Variants in NELL1 observed in about 807,000 individuals in gnomAD.
The protein encoded by NELL1 is protein kinase C-binding protein NELL1.
NELL1 carries 76 observed loss-of-function variants against 107.4 expected under a neutral mutation model. The observed-to-expected ratio is 0.71, with a 90% CI of 0.59 to 0.86. The LOEUF is 0.86. Ranked by LOEUF, NELL1 falls within the 40% of genes least tolerant of loss-of-function variation. NELL1 has a pLI of 0.00. For synonymous variants in NELL1, 353 were observed against 341.2 expected (o/e 1.03, Z -0.38); for missense variants, 1,024 against 1,005.5 (o/e 1.02, Z -0.25).
At chr11:20,783,469 TG>T (rs370005742) in intron 2 of NELL1, among the ~76,000 whole-genome samples, 71 of 151,962 alleles carry the variant, frequency 4.7e-4, no homozygotes, top group African/African-American at 1.7e-3. Flanking sequence ...CTGTAGGGAG[TG>T]GGGAATGGTG....
Position 21,184,615 on chromosome 11 carries a change from C to T in NELL1, c.1427-44717C>T, listed in dbSNP as rs1460550235. Among the ~76,000 whole-genome samples the T allele has an allele frequency of 2.0e-5, 3 of 151,832 alleles. No individual in the cohort carries two copies. In the South Asian group the frequency reaches 6.2e-4, roughly 31 times the overall value. ...CAAATGTGTCAGTCGAAAACAGACT[C>T]ATTTTTCAAGATGTAAGTCAATGTC... is the stretch of plus-strand genomic sequence containing the variant. On this transcript the variant is annotated intron_variant, in intron 13 of 19. Transcript: ENST00000357134.
rs113450805 is a variant in NELL1, at chr11:21,303,596, G to A, written c.1550-67257G>A. Among the ~76,000 whole-genome samples, 6 of 152,126 alleles carry A rather than the reference G, an allele frequency of 3.9e-5. No homozygotes were observed. The East Asian group carries it at 7.8e-4, about 20-fold the overall frequency. ...TAGTACAACCTCTATAGAAAACAGC[G>A]TGGAGATTTCTCAAAGATCTAAAAC... On this transcript the variant is annotated intron_variant, in intron 14 of 19. Coordinates refer to ENST00000357134, the MANE Select transcript of NELL1 (RefSeq NM_006157.5).
chr11:21,186,562 C>G (rs1045036670), intron 13 of NELL1, among the ~76,000 whole-genome samples: 1 of 151,836 alleles, frequency 6.6e-6, no homozygotes, highest in African/African-American at 2.4e-5. Context: ...GCTTGTTAAG[C>G]CTTTATTGAG....
At chr11:20,760,804 T>G (rs1417577464) in intron 2 of NELL1, among the ~76,000 whole-genome samples, 1 of 152,228 alleles carries the variant, frequency 6.6e-6, no homozygotes, top group African/African-American at 2.4e-5. Flanking sequence ...CCACTAAATC[T>G]GAAGTATGGT....
chr11:21,046,323 A>G (rs1853352713), intron 12 of NELL1, among the ~76,000 whole-genome samples: 1 of 152,170 alleles, frequency 6.6e-6, no homozygotes, highest in Non-Finnish European at 1.5e-5. Context: ...CACTTATCAT[A>G]TATGTTCTTA....
intron 2 of NELL1, among the ~76,000 whole-genome samples, chr11:20,759,970 T>C (rs1341779852): frequency 6.6e-6 from 1 of 152,180 alleles, no homozygotes; most frequent in Admixed American, 6.5e-5. Flanking sequence ...CCTCTAAACA[T>C]AGTGGCTCCA....
At chr11:20,811,268 T>A (rs1322800378) in intron 3 of NELL1, among the ~76,000 whole-genome samples, 1 of 152,188 alleles carries the variant, frequency 6.6e-6, no homozygotes, top group Admixed American at 6.5e-5. Context: ...TTGTGTTTAC[T>A]CAACACCTTT....
intron 12 of NELL1, among the ~76,000 whole-genome samples, chr11:20,986,451 C>G (rs1012547699): frequency 9.9e-5 from 15 of 152,118 alleles, no homozygotes; most frequent in Non-Finnish European, 2.1e-4. Flanking sequence ...CCTTGTGCAC[C>G]CTTGGCAACT....
chr11:21,485,380 T>C (rs1380958634), intron 15 of NELL1, among the ~76,000 whole-genome samples: 1 of 151,934 alleles, frequency 6.6e-6, no homozygotes, highest in Non-Finnish European at 1.5e-5. Flanking sequence ...CTGCCTATTC[T>C]CCTCCCACTG....
chr11:21,145,896 T>A (rs919886400), intron 13 of NELL1, among the ~76,000 whole-genome samples: 5 of 152,220 alleles, frequency 3.3e-5, no homozygotes, highest in African/African-American at 1.2e-4. Context: ...GTTTCTTCTC[T>A]ACTTCTTTTA....
intron 3 of NELL1, among the ~76,000 whole-genome samples, chr11:20,814,660 C>T (rs1383726723): frequency 2.0e-5 from 3 of 152,138 alleles, no homozygotes; most frequent in South Asian, 2.1e-4. Flanking sequence ...CGTAGTATTC[C>T]GTGGCGTTTA....
chr11:21,092,523 A>G (rs1433257794), intron 12 of NELL1, among the ~76,000 whole-genome samples: 1 of 152,168 alleles, frequency 6.6e-6, no homozygotes, highest in Non-Finnish European at 1.5e-5. Context: ...GAAACTGTGT[A>G]TTTCCTAAAA....
At chr11:20,713,993 CG>C (rs1258957093) in intron 2 of NELL1, among the ~76,000 whole-genome samples, 1 of 152,060 alleles carries the variant, frequency 6.6e-6, no homozygotes, top group Non-Finnish European at 1.5e-5. Context: ...TCTCACCCTT[CG>C]GGAACTCAGT....
At chr11:21,404,009 C>CCCG (rs1554905729) in intron 15 of NELL1, among the ~76,000 whole-genome samples, 1 of 107,480 alleles carries the variant, frequency 9.3e-6, no homozygotes, top group Non-Finnish European at 2.0e-5. Context: ...TCCTGAACCC[C>CCCG]CCCCCCCGCA....
At chr11:21,379,495 A>G (rs1851560970) in intron 15 of NELL1, among the ~76,000 whole-genome samples, 2 of 152,102 alleles carry the variant, frequency 1.3e-5, no homozygotes, top group South Asian at 4.2e-4. Flanking sequence ...AAAGCAAACA[A>G]CTTTGAACAG....
At chr11:20,697,224 A>G (rs1448388738) in intron 2 of NELL1, among the ~76,000 whole-genome samples, 1 of 152,076 alleles carries the variant, frequency 6.6e-6, no homozygotes, top group African/African-American at 2.4e-5. Flanking sequence ...TCATTTTGGA[A>G]CACCTCTGCT....
chr11:21,307,486 C>G (rs1432554980), intron 14 of NELL1, among the ~76,000 whole-genome samples: 1 of 151,974 alleles, frequency 6.6e-6, no homozygotes, highest in Non-Finnish European at 1.5e-5. Context: ...TACACTCACA[C>G]ACAGGAAAAT....
intron 12 of NELL1, among the ~76,000 whole-genome samples, chr11:21,082,408 T>A (rs1854289844): frequency 6.6e-6 from 1 of 152,182 alleles, no homozygotes; most frequent in Admixed American, 6.5e-5. Context: ...TAGTCTCTTA[T>A]CAGTTAATCA....
intron 2 of NELL1, among the ~76,000 whole-genome samples, chr11:20,732,958 A>C (rs1431049919): frequency 6.6e-6 from 1 of 152,144 alleles, no homozygotes; most frequent in Non-Finnish European, 1.5e-5. Context: ...CAGAACTTAC[A>C]TTCTAGTGGA....
Sources: allele counts gnomAD v4.1 joint callset (sites outside exome capture counted in the v4.1 genomes callset), GRCh38; gene constraint gnomAD v4.1.1; transcripts MANE v1.5; gene names NCBI Gene and HGNC (gene_info 2026-07-23, HGNC 2026-07-21).